The following PCDH11X variants were observed in gnomAD, a reference collection of about 807,000 sequenced individuals.
PCDH11X encodes the protein protocadherin-11 X-linked.
A neutral mutation model predicts 53.3 loss-of-function variants in PCDH11X; 18 were observed. The observed-to-expected ratio is 0.34, with a 90% CI of 0.23 to 0.50. PCDH11X has a LOEUF of 0.50. Ranked by LOEUF, PCDH11X falls within the 20% of genes least tolerant of loss-of-function variation. The probability of loss-of-function intolerance (pLI) is 0.98; values close to 1 mark genes in which losing one functional copy is unlikely to be tolerated. For missense variants in PCDH11X, 570 were observed against 1,032.4 expected (o/e 0.55, Z 6.14); for synonymous variants, 279 against 393.3 (o/e 0.71, Z 3.44).
intron 10 of PCDH11X, among the ~76,000 whole-genome samples, chrX:92,507,515 A>G (rs1198274397): frequency 9.0e-6 from 1 of 111,487 alleles, no homozygotes; most frequent in East Asian, 2.8e-4. Flanking sequence ...AGCTGACTCT[A>G]TTTTGATTTT....
At chrX:92,204,872 G>A (rs980130507) in intron 7 of PCDH11X, among the ~76,000 whole-genome samples, 2 of 111,837 alleles carry the variant, frequency 1.8e-5, no homozygotes, top group African/African-American at 6.5e-5. Context: ...CCACCTGGTG[G>A]CAGGAGACAA....
rs1352332797 is a variant in PCDH11X at position 92,235,170 on chromosome X, A to AT, written c.3115-27944_3115-27943insT. Among the ~76,000 whole-genome samples the AT allele has an allele frequency of 2.0e-4, 21 of 102,884 alleles. No homozygotes were observed. In the East Asian group the frequency reaches 4.9e-3, roughly 24 times the overall value. 89.3% of individuals were successfully genotyped at this position (102,884 alleles called of 115,157 possible). A position where few individuals can be genotyped will look rare whatever the true frequency, so the allele number is the denominator to read the frequency against. On this transcript the variant is annotated intron_variant, in intron 7 of 10. Coordinates refer to ENST00000682573, the MANE Select transcript of PCDH11X (RefSeq NM_032968.5). ...AAAAGAAAGAGAAATAAAAGCACAA[A>AT]ATTTTTTTAAATATATTATAGTCCA... is the stretch of plus-strand genomic sequence containing the variant.
chrX:92,263,290 G>T, intron 8 of PCDH11X, 147 bp downstream of exon 8: 1 of 464,740 alleles, frequency 2.2e-6, no homozygotes, highest in Non-Finnish European at 3.4e-6. Flanking sequence ...GTCAAGCTGA[G>T]CTGTTTTCAC....
At chrX:91,793,999 C>T (rs1379176786) in intron 1 of PCDH11X, among the ~76,000 whole-genome samples, 1 of 110,658 alleles carries the variant, frequency 9.0e-6, no homozygotes, top group African/African-American at 3.3e-5. Context: ...AGAAGCAAAC[C>T]CTGTTTAGTT....
chrX:92,575,978 G>GTATA (rs1173562560), intron 10 of PCDH11X, among the ~76,000 whole-genome samples: 300 of 18,333 alleles, frequency 0.016, 9 homozygotes, highest in African/African-American at 0.056. Flanking sequence ...CACCTGGGGT[G>GTATA]TATATATATA....
chrX:92,225,317 T>C (rs2066949603), intron 7 of PCDH11X, among the ~76,000 whole-genome samples: 1 of 99,384 alleles, frequency 1.0e-5, no homozygotes, highest in African/African-American at 3.7e-5. Context: ...TTAGTTTCAC[T>C]TAACACAATA....
At chrX:92,317,038 A>T (rs2069092303) in intron 8 of PCDH11X, among the ~76,000 whole-genome samples, 2 of 111,701 alleles carry the variant, frequency 1.8e-5, no homozygotes, top group Admixed American at 9.6e-5. Flanking sequence ...TCAAGGGGGA[A>T]AAAAACAGAA....
At chrX:92,128,689 A>G (rs1331928273) in intron 6 of PCDH11X, among the ~76,000 whole-genome samples, 1 of 110,553 alleles carries the variant, frequency 9.0e-6, no homozygotes, top group Non-Finnish European at 1.9e-5. Flanking sequence ...GTCAGCCACC[A>G]CACCTGGCCT....
rs190985676 is a variant in PCDH11X at position 92,018,395 on chromosome X, T to C, written c.3033+139122T>C. ...TGTTGCTAAGTAGAGCATTTTTTAA[T>C]GGTAATGTTAACAGTTTTTTAAAAA... On this transcript the variant is annotated intron_variant, in intron 6 of 10. Coordinates refer to ENST00000682573, the MANE Select transcript of PCDH11X (RefSeq NM_032968.5). Among the ~76,000 whole-genome samples, 174 of 112,377 alleles carry C rather than the reference T, an allele frequency of 1.5e-3. 1 individual carries two copies. Among genetic ancestry groups the C allele is most frequent in the African/African-American group, 5.4e-3 (167 of 31,005 alleles).
chrX:92,281,009 G>A (rs543050151), intron 8 of PCDH11X, among the ~76,000 whole-genome samples: 1 of 111,424 alleles, frequency 9.0e-6, no homozygotes, highest in South Asian at 3.8e-4. Flanking sequence ...AGAAGCATCT[G>A]TGTTCCAACT....
chrX:92,076,068 A>G (rs1475532416), intron 6 of PCDH11X, among the ~76,000 whole-genome samples: 4 of 109,596 alleles, frequency 3.6e-5, no homozygotes, highest in Non-Finnish European at 7.6e-5. Context: ...ATTGCATTGG[A>G]AGAGATGCCT....
rs769815393 is a variant in PCDH11X at position 92,192,491 on chromosome X, C to T, written c.3034-8884C>T. On this transcript the variant is annotated intron_variant, in intron 6 of 10. Coordinates refer to ENST00000682573, the MANE Select transcript of PCDH11X (RefSeq NM_032968.5). ...CCGAGTAGCTGGGACTGCAGGCGTG[C>T]GCCAACACGCCCAGCTAATTTTTTT... Among the ~76,000 whole-genome samples, 493 of 105,196 alleles carry T rather than the reference C, an allele frequency of 4.7e-3. 6 individuals carry two copies. The highest frequency in any genetic ancestry group is 0.016 in the African/African-American group (464 of 28,688). The allele number at this position is 105,196 out of a possible 115,157, so 91.4% of individuals were successfully genotyped here.
intron 7 of PCDH11X, among the ~76,000 whole-genome samples, chrX:92,221,385 G>A (rs2089729943): frequency 9.4e-6 from 1 of 105,939 alleles, no homozygotes; most frequent in African/African-American, 3.4e-5. Context: ...GGCAAAGTTG[G>A]CTATCACCTC....
chrX:91,967,158 A>T (rs930463307), intron 6 of PCDH11X, among the ~76,000 whole-genome samples: 4 of 109,654 alleles, frequency 3.6e-5, no homozygotes, highest in Non-Finnish European at 7.6e-5. Context: ...GTTGGAAGGG[A>T]CCTATTTAGT....
intron 10 of PCDH11X, among the ~76,000 whole-genome samples, chrX:92,571,744 T>A (rs1922233210): frequency 9.1e-6 from 1 of 110,162 alleles, no homozygotes; most frequent in Non-Finnish European, 1.9e-5. Flanking sequence ...GAGAACTTGC[T>A]TATATTTATT....
intron 6 of PCDH11X, among the ~76,000 whole-genome samples, chrX:92,124,097 G>A: frequency 8.9e-6 from 1 of 111,824 alleles, no homozygotes; most frequent in Admixed American, 9.6e-5. Flanking sequence ...TAGAGATGCT[G>A]TCTATAACGC....
intron 9 of PCDH11X, among the ~76,000 whole-genome samples, chrX:92,447,538 G>T (rs2072682015): frequency 8.9e-6 from 1 of 111,814 alleles, no homozygotes; most frequent in Admixed American, 9.5e-5. Flanking sequence ...TGGAAGTCAA[G>T]AAATGAGGTT....
At chrX:91,968,207 G>A (rs1244695925) in intron 6 of PCDH11X, among the ~76,000 whole-genome samples, 3 of 111,640 alleles carry the variant, frequency 2.7e-5, no homozygotes, top group African/African-American at 9.8e-5. Context: ...TTTCTGCAGA[G>A]TGGATTTAGG....
At chrX:92,016,645 G>A (rs1402811387) in intron 6 of PCDH11X, among the ~76,000 whole-genome samples, 1 of 108,745 alleles carries the variant, frequency 9.2e-6, no homozygotes, top group Non-Finnish European at 1.9e-5. Flanking sequence ...ATTGAAGAGT[G>A]TTAGGAACTT....
Sources: gnomAD v4.1 joint callset for allele counts (sites outside exome capture counted in the v4.1 genomes callset) on GRCh38, gnomAD v4.1.1 for gene constraint, MANE v1.5 for transcripts, NCBI Gene and HGNC (gene_info 2026-07-23, HGNC 2026-07-21) for gene names.